Variants in EFCAB12 observed in about 807,000 individuals in gnomAD.
EFCAB12 encodes the protein EF-hand calcium-binding domain-containing protein 12.
In EFCAB12, 43 loss-of-function variants were observed where a neutral mutation model predicts 53.6. That is an observed-to-expected ratio of 0.80 (90% CI 0.63 to 1.03). The LOEUF is 1.03. Ranked by LOEUF, EFCAB12 falls within the 50% of genes least tolerant of loss-of-function variation. The pLI, the probability that EFCAB12 is intolerant of heterozygous loss-of-function variation, is 0.00. For missense variants in EFCAB12, 646 were observed against 730.6 expected, an observed-to-expected ratio of 0.88 and a Z score of 1.34; for synonymous variants, 269 against 289.2, an observed-to-expected ratio of 0.93 and a Z score of 0.71.
chr3:129,425,590 C>T (rs2072261254), intron 1 of EFCAB12, among the ~76,000 whole-genome samples: 1 of 152,206 alleles, frequency 6.6e-6, no homozygotes, highest in African/African-American at 2.4e-5. Context: ...CAGCCCCTGA[C>T]CCCACTTTCC....
chr3:129,417,217 C>T (rs113052965), intron 3 of EFCAB12, among the ~76,000 whole-genome samples: 1 of 149,562 alleles, frequency 6.7e-6, no homozygotes, highest in Admixed American at 6.7e-5. Flanking sequence ...CCCAACTACT[C>T]GGGAGTCTGA....
At chr3:129,403,664 G>C (rs1030189191) in intron 7 of EFCAB12, 1 of 152,262 alleles carries the variant, frequency 6.6e-6, no homozygotes. Flanking sequence ...CACGGATGCT[G>C]CCCACGGGTT....
intron 3 of EFCAB12, among the ~76,000 whole-genome samples, chr3:129,417,584 G>A (rs2072134265): frequency 6.6e-6 from 1 of 152,144 alleles, no homozygotes; most frequent in Non-Finnish European, 1.5e-5. Context: ...GCAGACCTCT[G>A]CTAGGCCGAT....
intron 3 of EFCAB12, among the ~76,000 whole-genome samples, chr3:129,416,108 C>T (rs2072112082): frequency 6.6e-6 from 1 of 152,192 alleles, no homozygotes; most frequent in Non-Finnish European, 1.5e-5. Flanking sequence ...TTGATCAGAG[C>T]TAAGTAAGAT....
chr3:129,418,709 C>G (rs931572796), intron 2 of EFCAB12, among the ~76,000 whole-genome samples: 1 of 152,162 alleles, frequency 6.6e-6, no homozygotes, highest in Admixed American at 6.5e-5. Context: ...TTATCCACAT[C>G]TCTCCTGTCA....
At chr3:129,422,208 C>A (rs898037206) in intron 1 of EFCAB12, among the ~76,000 whole-genome samples, 2 of 152,206 alleles carry the variant, frequency 1.3e-5, no homozygotes, top group African/African-American at 4.8e-5. Flanking sequence ...TGATCTTGAG[C>A]AAACCACCTA....
chr3:129,401,566 G>T lies in EFCAB12; in HGVS notation c.*27C>A. On this transcript the variant is annotated 3_prime_UTR_variant, in exon 9 of 9. Coordinates refer to ENST00000505956, the MANE Select transcript of EFCAB12 (RefSeq NM_207307.3). ...CTGCACTGGCCCCTGGCCCAGGAAG[G>T]CTGGGTCCGGCAACACCTGGCTAGC... 1.3e-6 allele frequency: 2 copies of T among 1,493,786 alleles called. No homozygotes were observed. The highest frequency in any genetic ancestry group is 1.8e-6 in the Non-Finnish European group (2 of 1,113,128). 92.5% of individuals were successfully genotyped at this position (1,493,786 alleles called of 1,614,324 possible).
At chr3:129,413,617 ACT>A (rs1257840065) in intron 4 of EFCAB12, 1 of 152,056 alleles carries the variant, frequency 6.6e-6, no homozygotes, top group Non-Finnish European at 1.5e-5. Context: ...CCTCTGATAA[ACT>A]CTTCCACTGT....
At chr3:129,426,242 C>T (rs1203860757) in intron 1 of EFCAB12, among the ~76,000 whole-genome samples, 2 of 152,036 alleles carry the variant, frequency 1.3e-5, no homozygotes, top group African/African-American at 4.8e-5. Flanking sequence ...GTTTCTATGA[C>T]CTTCTGTATG....
Position 129,411,230 on chromosome 3 carries a change from C to A in EFCAB12, c.963G>T (p.Glu321Asp), listed in dbSNP as rs779819121. The A allele has an allele frequency of 6.2e-7, 1 of 1,613,882 alleles. No homozygotes were observed. The highest frequency in any genetic ancestry group is 8.5e-7 in the Non-Finnish European group (1 of 1,179,830). The stretch of plus-strand genomic sequence containing the variant: ...TCTCCTCCAGGGTCATGGGCCGCGT[C>A]TCCATCTGCGTGTCGACTGCAGGCA... ...LTVPAVDTQMETRPMTLEEME... is the reference protein window; with the variant it reads ...LTVPAVDTQMDTRPMTLEEME... Residue 321 changes from glutamate (E) to aspartate (D), a missense_variant, in exon 5 of 9, where the codon GAG becomes GAT. Physicochemically the swap from Glu to Asp is conservative, Grantham distance 45. Transcript: ENST00000505956.
chr3:129,401,531 G>A lies in EFCAB12; in HGVS notation c.*62C>T. Reference sequence around the variant, plus strand: ...GACACTCCTCTTGTGTCTGGGCTCTGGGCCGCTGGCTGCACTGGCCCCTGG... The same window carrying A: ...GACACTCCTCTTGTGTCTGGGCTCTAGGCCGCTGGCTGCACTGGCCCCTGG... On this transcript the variant is annotated 3_prime_UTR_variant, in exon 9 of 9. Transcript: ENST00000505956. 6.8e-7 allele frequency: 1 copy of A among 1,461,320 alleles called. No individual in the cohort carries two copies. The allele number at this position is 1,461,320 out of a possible 1,614,324, so 90.5% of individuals were successfully genotyped here. A position where few individuals can be genotyped will look rare whatever the true frequency, so the allele number is the denominator to read the frequency against.
intron 6 of EFCAB12, 83 bp from the exon 7 acceptor site, chr3:129,404,486 T>TG: frequency 9.1e-7 from 1 of 1,096,816 alleles, no homozygotes; most frequent in South Asian, 2.8e-5. Context: ...GAGGAGGTGT[T>TG]TTTTTTTTTT....
chr3:129,410,143 A>C (rs2072016243), intron 5 of EFCAB12, among the ~76,000 whole-genome samples: 1 of 151,892 alleles, frequency 6.6e-6, no homozygotes, highest in African/African-American at 2.4e-5. Context: ...CAGTAGGTGC[A>C]GCCACAGGCA....
chr3:129,404,961 C>T (rs2071929350), intron 6 of EFCAB12, among the ~76,000 whole-genome samples: 1 of 152,190 alleles, frequency 6.6e-6, no homozygotes, highest in Non-Finnish European at 1.5e-5. Flanking sequence ...CACAGGCATG[C>T]ACCACCATGC....
rs139555289 is a variant in EFCAB12 at position 129,415,577 on chromosome 3, T to G, written c.682-176A>C. Among the ~76,000 whole-genome samples the G allele has an allele frequency of 1.9e-3, 288 of 152,324 alleles. 1 individual carries two copies. Among genetic ancestry groups the G allele is most frequent in the African/African-American group, 6.5e-3 (270 of 41,568 alleles). ...TCAGAGCCCTTTCCCGGTCCTTGAA[T>G]GAACTCTGCACTTTGTTACCTTTGC... On this transcript the variant is annotated intron_variant, in intron 3 of 8. Transcript: ENST00000505956.
intron 4 of EFCAB12, chr3:129,412,177 A>T (rs113858838): frequency 0.064 from 9,701 of 152,200 alleles, 931 homozygotes; most frequent in East Asian, 0.43. Flanking sequence ...CACTGCACTC[A>T]AACCTGGATG....
At chr3:129,404,083 G>T in intron 7 of EFCAB12, 167 bp downstream of exon 7, 1 of 828,474 alleles carries the variant, frequency 1.2e-6, no homozygotes, top group Non-Finnish European at 1.8e-6. Context: ...AGGGTGACCC[G>T]GGACTGGCCA....
chr3:129,408,724 G>A lies in EFCAB12; in HGVS notation c.1170C>T (p.His390=), dbSNP rs757631951. 5.0e-6 allele frequency: 8 copies of A among 1,586,418 alleles called. No individual in the cohort carries two copies. In the Admixed American group the frequency reaches 8.8e-5, roughly 18 times the overall value. Residue 390 remains histidine, a synonymous_variant, in exon 6 of 9, where the codon CAC becomes CAT. Transcript: ENST00000505956. ...MRELIDSARR[H]NFLVYLQCWK... ...AGCATTGCAGGTAGACCAGAAAGTT[G>A]TGCCTGCGGGCCGAGTCAATGAGCT...
Position 129,402,574 on chromosome 3 carries a change from G to A in EFCAB12, c.1409C>T (p.Thr470Met), listed in dbSNP as rs762651911. 54 of 1,612,392 alleles carry A rather than the reference G, an allele frequency of 3.3e-5. No homozygotes were observed. Among genetic ancestry groups the A allele is most frequent in the Middle Eastern group, 1.6e-4 (1 of 6,082 alleles). ...GCGCATTTTCTTGCTTTTCTTTGGC[G>A]TTTTCCTAGTGGAGAAGAGAGAGGC... is the stretch of plus-strand genomic sequence containing the variant. Reference protein sequence around the residue: ...PGKSKRTDKKTPKKSKKMRFK... With the variant: ...PGKSKRTDKKMPKKSKKMRFK... Residue 470 changes from threonine (T) to methionine (M), a missense_variant, in exon 8 of 9, where the codon ACG becomes ATG. Thr to Met is a moderately conservative substitution (Grantham distance 81, BLOSUM62 -1). Transcript: ENST00000505956.
Sources: allele counts gnomAD v4.1 joint callset (sites outside exome capture counted in the v4.1 genomes callset), GRCh38; gene constraint gnomAD v4.1.1; transcripts MANE v1.5; gene names NCBI Gene and HGNC (gene_info 2026-07-23, HGNC 2026-07-21).